Variants in CHRNA5 observed in about 807,000 individuals in gnomAD.
CHRNA5 encodes the protein neuronal acetylcholine receptor subunit alpha-5.
In CHRNA5, 28 loss-of-function variants were observed where a neutral mutation model predicts 41.2. The ratio of observed to expected loss-of-function variants is 0.68; its 90% CI spans 0.50 to 0.93. The LOEUF (loss-of-function observed/expected upper bound fraction) is 0.93. Ranked by LOEUF, CHRNA5 falls within the 40% of genes least tolerant of loss-of-function variation. CHRNA5 has a pLI of 0.00. For missense variants in CHRNA5, 481 were observed against 581.9 expected (o/e 0.83, Z 1.78); for synonymous variants, 188 against 205.8 (o/e 0.91, Z 0.74).
At chr15:78,584,199 C>A (rs1484689338) in intron 2 of CHRNA5, among the ~76,000 whole-genome samples, 1 of 152,142 alleles carries the variant, frequency 6.6e-6, no homozygotes, top group African/African-American at 2.4e-5. Flanking sequence ...GTTTTAGGTT[C>A]CTTTTATCGC....
intron 5 of CHRNA5, 163 bp downstream of exon 5, chr15:78,590,799 G>C: frequency 1.6e-6 from 1 of 628,378 alleles, no homozygotes; most frequent in South Asian, 2.2e-5. Flanking sequence ...CTTTACTAAG[G>C]CTTGTTTCAG....
intron 4 of CHRNA5, chr15:78,589,239 TAAAG>T (rs911721380): frequency 2.7e-4 from 41 of 152,420 alleles, no homozygotes; most frequent in Admixed American, 2.5e-3. Flanking sequence ...AGCAACATTT[TAAAG>T]AAATCTTATG....
At chr15:78,565,807 G>A in exon 1 of CHRNA5, 1 of 1,222,718 alleles carries the variant, frequency 8.2e-7, no homozygotes, top group Non-Finnish European at 1.0e-6. Context: ...AGCGGGCGCG[G>A]CGGGCGGCGC....
chr15:78,565,803 C>T, exon 1 of CHRNA5: 1 of 1,221,188 alleles, frequency 8.2e-7, no homozygotes, highest in East Asian at 3.2e-5. Context: ...GTCTAGCGGG[C>T]GCGGCGGGCG....
chr15:78,576,246 A>G (rs933681569), intron 1 of CHRNA5, among the ~76,000 whole-genome samples: 7 of 152,144 alleles, frequency 4.6e-5, no homozygotes, highest in Admixed American at 1.3e-4. Flanking sequence ...TCCCAGGTTC[A>G]ATAGATCCTC....
At chr15:78,586,274 T>A (rs1417092050) in intron 2 of CHRNA5, among the ~76,000 whole-genome samples, 1 of 152,250 alleles carries the variant, frequency 6.6e-6, no homozygotes, top group Non-Finnish European at 1.5e-5. Context: ...TTATAATTCA[T>A]GGCAGCTTGT....
intron 2 of CHRNA5, among the ~76,000 whole-genome samples, chr15:78,583,092 C>A (rs979752304): frequency 2.2e-4 from 34 of 152,096 alleles, no homozygotes; most frequent in African/African-American, 7.7e-4. Context: ...TGTGCTCTGG[C>A]ATTTCATCTT....
intron 1 of CHRNA5, among the ~76,000 whole-genome samples, chr15:78,573,657 C>CAA (rs2052827510): frequency 1.3e-5 from 2 of 152,146 alleles, no homozygotes; most frequent in African/African-American, 4.8e-5. Flanking sequence ...TGCAGGTTGG[C>CAA]AAAAGACTGC....
chr15:78,579,252 T>A (rs1262469575), intron 1 of CHRNA5, among the ~76,000 whole-genome samples: 1 of 152,002 alleles, frequency 6.6e-6, no homozygotes, highest in African/African-American at 2.4e-5. Context: ...TTTGTTTGTT[T>A]GTTTGTTTGT....
At chr15:78,589,647 G>A in intron 4 of CHRNA5, 158 bp from the exon 5 acceptor site, 1 of 565,492 alleles carries the variant, frequency 1.8e-6, no homozygotes, top group Non-Finnish European at 3.0e-6. Flanking sequence ...CCTGGAGCAG[G>A]GTCCCTATGT....
intron 2 of CHRNA5, among the ~76,000 whole-genome samples, chr15:78,584,808 A>G (rs11637635): frequency 0.68 from 103,356 of 152,142 alleles, 35,438 homozygotes; most frequent in East Asian, 0.83. Flanking sequence ...ATTCAGATAC[A>G]GGGATCAGCA....
At chr15:78,594,053 A>C (rs1418273134) in exon 6 of CHRNA5, 1 of 152,132 alleles carries the variant, frequency 6.6e-6, no homozygotes, top group Non-Finnish European at 1.5e-5. Context: ...TAATAATAAT[A>C]ACAACAACTT....
At chr15:78,581,457 G>T (rs1265236860) in intron 2 of CHRNA5, among the ~76,000 whole-genome samples, 1 of 152,126 alleles carries the variant, frequency 6.6e-6, no homozygotes, top group African/African-American at 2.4e-5. Flanking sequence ...TGTACTTATT[G>T]TCAAGAGATC....
chr15:78,593,416 G>T, exon 6 of CHRNA5: 1 of 603,514 alleles, frequency 1.7e-6, no homozygotes, highest in Non-Finnish European at 2.6e-6. Flanking sequence ...TTGAACAGTT[G>T]GCTGTATGAC....
At chr15:78,590,457 T>C (rs200449882) in exon 5 of CHRNA5, 1 of 1,614,220 alleles carries the variant, frequency 6.2e-7, no homozygotes, top group Non-Finnish European at 8.5e-7. Flanking sequence ...CCGCAAGATA[T>C]TTCTTCACAC....
intron 5 of CHRNA5, among the ~76,000 whole-genome samples, chr15:78,591,587 A>T (rs936494094): frequency 2.0e-5 from 3 of 152,192 alleles, no homozygotes; most frequent in Non-Finnish European, 4.4e-5. Flanking sequence ...GTATGAGGAG[A>T]CAGAATAAAT....
chr15:78,592,188 G>C lies in CHRNA5; in HGVS notation c.1246-904G>C, dbSNP rs186090601. On this transcript the variant is annotated intron_variant, in intron 5 of 5. Coordinates refer to ENST00000299565, the Ensembl canonical transcript of CHRNA5. ...AATAGAAAAATTAGCTGGGCATGGT[G>C]GTGTGTGCCTGTAGTCCCAGCCACC... 3.9e-3 allele frequency among the ~76,000 whole-genome samples: 598 copies of C among 152,284 alleles called. 7 individuals are homozygous for C. Among genetic ancestry groups the C allele is most frequent in the African/African-American group, 0.014 (564 of 41,562 alleles).
At chr15:78,586,980 G>C (rs1429774537) in intron 3 of CHRNA5, among the ~76,000 whole-genome samples, 1 of 152,174 alleles carries the variant, frequency 6.6e-6, no homozygotes, top group Non-Finnish European at 1.5e-5. Context: ...TTCTCACACT[G>C]CTATAAGGAC....
intron 5 of CHRNA5, among the ~76,000 whole-genome samples, chr15:78,592,733 A>C (rs2053030691): frequency 6.6e-6 from 1 of 152,240 alleles, no homozygotes; most frequent in South Asian, 2.1e-4. Context: ...GAGTCTCTCA[A>C]AATATTAAAA....
Sources: allele counts gnomAD v4.1 joint callset (sites outside exome capture counted in the v4.1 genomes callset), GRCh38; gene constraint gnomAD v4.1.1; transcripts MANE v1.5; gene names NCBI Gene and HGNC (gene_info 2026-07-23, HGNC 2026-07-21).